GATAD2B: variants seen among roughly 807,000 people sequenced by gnomAD.
GATAD2B encodes transcriptional repressor p66-beta.
Under a neutral mutation model 64.3 loss-of-function variants are expected in GATAD2B, and 8 were observed. That is an observed-to-expected ratio of 0.12 (90% confidence interval 0.07 to 0.22). GATAD2B has a LOEUF of 0.22. Among genes scored for constraint, GATAD2B ranks in the 10% least tolerant of loss-of-function variants. The pLI is 1.00. For missense variants in GATAD2B, 453 were observed against 752.0 expected (o/e 0.60, Z 4.65); for synonymous variants, 281 against 271.3 (o/e 1.04, Z -0.35).
At chr1:153,901,667 T>C (rs1330662782) in intron 1 of GATAD2B, among the ~76,000 whole-genome samples, 2 of 150,666 alleles carry the variant, frequency 1.3e-5, no homozygotes. Flanking sequence ...CTACTAAAAA[T>C]ACAAAAATTA....
intron 1 of GATAD2B, among the ~76,000 whole-genome samples, chr1:153,895,402 G>T (rs1275485882): frequency 6.6e-6 from 1 of 151,580 alleles, no homozygotes; most frequent in Non-Finnish European, 1.5e-5. Context: ...GCTTAATGCT[G>T]ATGACAGTCA....
chr1:153,844,466 T>C (rs1440804250), intron 1 of GATAD2B, among the ~76,000 whole-genome samples: 1 of 146,948 alleles, frequency 6.8e-6, no homozygotes, highest in Middle Eastern at 3.6e-3. Flanking sequence ...AATAACTGAA[T>C]TGCAAATCAA....
chr1:153,917,552 G>A (rs1241107567), intron 1 of GATAD2B, among the ~76,000 whole-genome samples: 3 of 151,550 alleles, frequency 2.0e-5, no homozygotes, highest in Admixed American at 2.0e-4. Flanking sequence ...CCACTGCCAC[G>A]CCCAGCTAAT....
intron 1 of GATAD2B, among the ~76,000 whole-genome samples, chr1:153,879,762 CAAAAAAAAAAA>C (rs71093298): frequency 1.5e-4 from 12 of 80,962 alleles, no homozygotes; most frequent in African/African-American, 5.1e-5. Context: ...ACACTGTCTA[CAAAAAAAAAAA>C]AAAAAAAAAA....
intron 1 of GATAD2B, among the ~76,000 whole-genome samples, chr1:153,916,471 C>T (rs1310924833): frequency 6.6e-6 from 1 of 152,030 alleles, no homozygotes; most frequent in Non-Finnish European, 1.5e-5. Flanking sequence ...TTAGATGACT[C>T]AATGAATCAC....
At chr1:153,833,682 T>C (rs1026946704) in intron 1 of GATAD2B, among the ~76,000 whole-genome samples, 4 of 151,656 alleles carry the variant, frequency 2.6e-5, no homozygotes, top group Non-Finnish European at 4.4e-5. Flanking sequence ...TGGCAGCACA[T>C]GCCCGTAATC....
intron 1 of GATAD2B, chr1:153,852,353 T>C (rs1026114688): frequency 7.8e-6 from 7 of 901,694 alleles, no homozygotes; most frequent in Admixed American, 5.1e-5. Context: ...ACTGAGTAGA[T>C]GTCGCCTGCC....
chr1:153,912,545 A>G (rs916698491), intron 1 of GATAD2B, among the ~76,000 whole-genome samples: 1 of 152,194 alleles, frequency 6.6e-6, no homozygotes, highest in African/African-American at 2.4e-5. Context: ...GCAATACTTC[A>G]AAGGTCTTCT....
At chr1:153,813,893 G>A (rs888370068) in intron 7 of GATAD2B, among the ~76,000 whole-genome samples, 122 of 152,286 alleles carry the variant, frequency 8.0e-4, no homozygotes, top group African/African-American at 2.6e-3. Flanking sequence ...CAGGAGAATC[G>A]CTTGAACCTG....
chr1:153,816,506 G>A lies in GATAD2B; in HGVS notation c.983C>T (p.Thr328Met), dbSNP rs1261538447. The change falls in exon 7 of 11, where the codon ACG (threonine) becomes ATG (methionine). Residue 328 changes from threonine (T) to methionine (M), a missense_variant. Around this residue, in one of 2 missense-constraint regions of GATAD2B, gnomAD observed 293 missense variants for 417.2 expected, o/e 0.70. Coordinates refer to ENST00000368655, the MANE Select transcript of GATAD2B (RefSeq NM_020699.4). This position sits in a 1 kb window ranked among gnomAD's most constrained non-coding sequence, Gnocchi z 4.9. The part of the protein sequence containing the change: ...MNLASHIQPG[T>M]VNRVSSPLPS... Reference sequence around the variant, plus strand: ...AAGTGGCGAGGACACTCTGTTCACCGTCCCTGGCTGGATATGAGAAGCAAG... The same window carrying A: ...AAGTGGCGAGGACACTCTGTTCACCATCCCTGGCTGGATATGAGAAGCAAG... 6.2e-6 allele frequency: 10 copies of A among 1,613,402 alleles called. No homozygotes were observed. The highest frequency in any genetic ancestry group is 4.4e-5 in the South Asian group (4 of 91,080).
intron 1 of GATAD2B, among the ~76,000 whole-genome samples, chr1:153,915,447 CTT>C (rs899739230): frequency 2.0e-5 from 3 of 151,834 alleles, no homozygotes; most frequent in African/African-American, 7.2e-5. Flanking sequence ...TAAAAATAAA[CTT>C]AATAAAAATT....
At chr1:153,853,784 C>T (rs1675990586) in intron 1 of GATAD2B, among the ~76,000 whole-genome samples, 2 of 152,098 alleles carry the variant, frequency 1.3e-5, no homozygotes, top group Non-Finnish European at 2.9e-5. Context: ...TTTTTGTGTA[C>T]AGTACAAGAT....
intron 1 of GATAD2B, among the ~76,000 whole-genome samples, chr1:153,880,027 G>A (rs550810907): frequency 1.3e-5 from 2 of 152,172 alleles, no homozygotes; most frequent in Non-Finnish European, 2.9e-5. Flanking sequence ...ATACTAAACA[G>A]AAAAGAAGAA....
intron 1 of GATAD2B, among the ~76,000 whole-genome samples, chr1:153,897,902 T>C (rs1677645601): frequency 6.6e-6 from 1 of 150,972 alleles, no homozygotes; most frequent in African/African-American, 2.4e-5. Flanking sequence ...TCCCGATGCT[T>C]TGGAAGACCT....
intron 1 of GATAD2B, among the ~76,000 whole-genome samples, chr1:153,873,454 G>T (rs1676730653): frequency 6.6e-6 from 1 of 152,170 alleles, no homozygotes; most frequent in Admixed American, 6.6e-5. Context: ...AGATTAATGG[G>T]TTATTCAGAG....
Position 153,813,466 on chromosome 1 carries a change from A to G in GATAD2B, c.1217-14T>C. Reference sequence around the variant, plus strand: ...CACAGCTTTTGCCTAGATACCAACAAAAATAGTCAGTGGCTTTACATTTCC... The same window carrying G: ...CACAGCTTTTGCCTAGATACCAACAGAAATAGTCAGTGGCTTTACATTTCC... On this transcript the variant is annotated splice_polypyrimidine_tract_variant and intron_variant, in intron 7 of 10. Transcript: ENST00000368655. 6.3e-7 allele frequency: 1 copy of G among 1,591,328 alleles called. No homozygotes were observed. The highest frequency in any genetic ancestry group is 8.6e-7 in the Non-Finnish European group (1 of 1,159,444).
chr1:153,830,482 A>T lies in GATAD2B; in HGVS notation c.-1-2134T>A, dbSNP rs6701672. Among the ~76,000 whole-genome samples the T allele has an allele frequency of 8.8e-3, 1,167 of 132,470 alleles. 9 individuals carry two copies. The highest frequency in any genetic ancestry group is 0.014 in the African/African-American group (503 of 35,360). The allele number at this position is 132,470 out of a possible 152,430, so 86.9% of individuals were successfully genotyped here. A position where few individuals can be genotyped will look rare whatever the true frequency, so the allele number is the denominator to read the frequency against. ...TTATTTTATTTTATTTTATTTATTT[A>T]TTTTTTTTTTTGAGACAGAGTCTCG... is the stretch of plus-strand genomic sequence containing the variant. On this transcript the variant is annotated intron_variant, in intron 1 of 10. Transcript: ENST00000368655.
At chr1:153,876,823 T>C (rs1676851103) in intron 1 of GATAD2B, among the ~76,000 whole-genome samples, 1 of 151,986 alleles carries the variant, frequency 6.6e-6, no homozygotes, top group Non-Finnish European at 1.5e-5. Context: ...GCCAACATGG[T>C]GAAACCCCGT....
intron 1 of GATAD2B, among the ~76,000 whole-genome samples, chr1:153,905,135 T>C (rs1035052789): frequency 6.6e-6 from 1 of 152,148 alleles, no homozygotes; most frequent in African/African-American, 2.4e-5. Flanking sequence ...CATGAGCCAC[T>C]GCACCTGGCC....
Sources: gnomAD v4.1 joint callset for allele counts (sites outside exome capture counted in the v4.1 genomes callset) on GRCh38, gnomAD v4.1.1 for gene constraint, gnomAD v4.1.1 regional missense constraint, Gnocchi (gnomAD v3.1) non-coding constraint, MANE v1.5 for transcripts, NCBI Gene and HGNC (gene_info 2026-07-23, HGNC 2026-07-21) for gene names.